Variants in HYCC1 observed in about 807,000 individuals in gnomAD.
The protein encoded by HYCC1 is hyccin.
chr7:22,962,874 C>T, the HYCC1 span, among the ~76,000 whole-genome samples: 59,324 of 151,076 alleles, frequency 0.39, 11,610 homozygotes, highest in East Asian at 0.5. Flanking sequence ...AACCTATCTG[C>T]AGTGGAGGCA....
the HYCC1 span, among the ~76,000 whole-genome samples, chr7:23,002,453 T>C: frequency 6.6e-6 from 1 of 152,102 alleles, no homozygotes; most frequent in Admixed American, 6.5e-5. Context: ...GGAGAGGCTC[T>C]TGAACACCTA....
the HYCC1 span, chr7:22,939,576 A>T: frequency 2.0e-5 from 3 of 152,232 alleles, no homozygotes; most frequent in Non-Finnish European, 4.4e-5. Flanking sequence ...ATGTATTATG[A>T]TTTACTTTTA....
the HYCC1 span, among the ~76,000 whole-genome samples, chr7:22,903,896 A>G: frequency 3.3e-5 from 5 of 152,172 alleles, no homozygotes; most frequent in African/African-American, 1.2e-4. Flanking sequence ...AGGAATCAAC[A>G]TTTCTGTAAC....
At chr7:22,929,669 T>C in the HYCC1 span, among the ~76,000 whole-genome samples, 19 of 152,066 alleles carry the variant, frequency 1.2e-4, no homozygotes, top group Non-Finnish European at 2.1e-4. Flanking sequence ...GTTAGAATGG[T>C]GATCATTAAA....
the HYCC1 span, chr7:22,945,195 C>T: frequency 7.4e-6 from 2 of 269,390 alleles, no homozygotes; most frequent in Non-Finnish European, 1.4e-5. Flanking sequence ...GAAGGCCAAA[C>T]ACACAGCCAT....
the HYCC1 span, among the ~76,000 whole-genome samples, chr7:23,002,101 A>C: frequency 6.8e-6 from 1 of 147,530 alleles, no homozygotes; most frequent in East Asian, 2.0e-4. Context: ...ATACAACTCA[A>C]TTAAAATTGT....
At chr7:22,908,161 A>T in the HYCC1 span, among the ~76,000 whole-genome samples, 1 of 152,216 alleles carries the variant, frequency 6.6e-6, no homozygotes, top group Non-Finnish European at 1.5e-5. Flanking sequence ...AGCTTAAGTG[A>T]TGAAAAATAG....
At chr7:22,907,197 A>G in the HYCC1 span, among the ~76,000 whole-genome samples, 3 of 151,976 alleles carry the variant, frequency 2.0e-5, no homozygotes, top group African/African-American at 7.3e-5. Context: ...TCACAAAAGA[A>G]TAACGGTATC....
At chr7:22,922,118 AT>A in the HYCC1 span, among the ~76,000 whole-genome samples, 38,111 of 149,944 alleles carry the variant, frequency 0.25, 4,943 homozygotes, top group East Asian at 0.48. Context: ...AAACGGCATA[AT>A]CTAACTTTAT....
chr7:22,911,764 C>T, the HYCC1 span, among the ~76,000 whole-genome samples: 2 of 152,104 alleles, frequency 1.3e-5, no homozygotes, highest in Non-Finnish European at 2.9e-5. Flanking sequence ...ATCAAAAAAT[C>T]GTAATAATAA....
chr7:22,977,859 T>C, the HYCC1 span, among the ~76,000 whole-genome samples: 1 of 152,200 alleles, frequency 6.6e-6, no homozygotes, highest in Non-Finnish European at 1.5e-5. Context: ...GTTAAAATAA[T>C]GTTGTACACT....
chr7:22,907,104 CAA>C, the HYCC1 span, among the ~76,000 whole-genome samples: 752 of 43,332 alleles, frequency 0.017, 1 homozygote, highest in East Asian at 0.061. Context: ...GACTCTATCT[CAA>C]AAAAAAAAAA....
At chr7:22,898,401 A>C in the HYCC1 span, among the ~76,000 whole-genome samples, 1 of 151,484 alleles carries the variant, frequency 6.6e-6, no homozygotes, top group Non-Finnish European at 1.5e-5. Flanking sequence ...TTTAGTAGAG[A>C]TGGGGTTTCA....
At chr7:22,983,381 T>C in the HYCC1 span, among the ~76,000 whole-genome samples, 2,402 of 151,576 alleles carry the variant, frequency 0.016, 68 homozygotes, top group African/African-American at 0.055. Flanking sequence ...AGAGTGGTAG[T>C]GGGGCAAGAG....
chr7:22,912,773 T>C, the HYCC1 span, among the ~76,000 whole-genome samples: 3 of 152,198 alleles, frequency 2.0e-5, no homozygotes, highest in East Asian at 5.8e-4. Flanking sequence ...CTTTTCTTAA[T>C]TAAGAGCACC....
the HYCC1 span, among the ~76,000 whole-genome samples, chr7:22,963,646 C>A: frequency 2.4e-4 from 36 of 152,238 alleles, no homozygotes; most frequent in East Asian, 5.2e-3. Context: ...GCTTGTGGGC[C>A]GTACAGTCTC....
the HYCC1 span, among the ~76,000 whole-genome samples, chr7:23,004,079 T>A: frequency 6.6e-6 from 1 of 152,340 alleles, no homozygotes; most frequent in East Asian, 1.9e-4. Flanking sequence ...GGCTGAAATA[T>A]AAAATTATTT....
At chr7:22,980,413 C>T in the HYCC1 span, among the ~76,000 whole-genome samples, 1 of 151,564 alleles carries the variant, frequency 6.6e-6, no homozygotes, top group African/African-American at 2.4e-5. Flanking sequence ...CACCATGTGT[C>T]ATCTCTCCAT....
chr7:22,920,226 A>T, the HYCC1 span, among the ~76,000 whole-genome samples: 5 of 152,184 alleles, frequency 3.3e-5, no homozygotes, highest in African/African-American at 9.7e-5. Context: ...ATATACCTGT[A>T]GTCCCAGCTA....
Sources: allele counts gnomAD v4.1 joint callset (sites outside exome capture counted in the v4.1 genomes callset), GRCh38; gene constraint gnomAD v4.1.1; transcripts MANE v1.5; gene names NCBI Gene and HGNC (gene_info 2026-07-23, HGNC 2026-07-21).